Variants in NRG1 observed in about 807,000 individuals in gnomAD.
NRG1 encodes the protein pro-neuregulin-1, membrane-bound isoform.
Under a neutral mutation model 63.8 loss-of-function variants are expected in NRG1, and 18 were observed. That is an observed-to-expected ratio of 0.28 (90% confidence interval 0.19 to 0.42). The LOEUF (loss-of-function observed/expected upper bound fraction) is 0.42. Ranked by LOEUF, NRG1 falls within the 10% of genes least tolerant of loss-of-function variation. The pLI is 1.00. For missense variants in NRG1, 762 were observed against 814.7 expected (o/e 0.94, Z 0.79); for synonymous variants, 302 against 301.3 (o/e 1.00, Z -0.02).
intron 1 of NRG1, among the ~76,000 whole-genome samples, chr8:31,928,969 C>T (rs2129619753): frequency 6.6e-6 from 1 of 152,182 alleles, no homozygotes; most frequent in East Asian, 1.9e-4. Flanking sequence ...GCTTCACCAC[C>T]ATACAATTCA....
At chr8:31,841,960 A>G (rs112436909) in intron 1 of NRG1, among the ~76,000 whole-genome samples, 2 of 152,310 alleles carry the variant, frequency 1.3e-5, no homozygotes, top group African/African-American at 4.8e-5. Context: ...CCCAATATGT[A>G]CAAGAGACAG....
chr8:32,187,591 A>C (rs896114553), intron 1 of NRG1, among the ~76,000 whole-genome samples: 4 of 152,102 alleles, frequency 2.6e-5, no homozygotes, highest in Non-Finnish European at 4.4e-5. Flanking sequence ...GTGATTTGTG[A>C]AGCATTCATC....
intron 1 of NRG1, among the ~76,000 whole-genome samples, chr8:32,495,280 G>T (rs1374320125): frequency 6.6e-6 from 1 of 152,122 alleles, no homozygotes; most frequent in Non-Finnish European, 1.5e-5. Flanking sequence ...TAAGTCTCAC[G>T]AGATCTGGTG....
intron 1 of NRG1, among the ~76,000 whole-genome samples, chr8:32,235,218 A>C: frequency 9.0e-6 from 1 of 110,706 alleles, no homozygotes; most frequent in Non-Finnish European, 1.7e-5. Context: ...ATATGATGAA[A>C]CCTAATCTCT....
At chr8:32,748,916 T>C (rs148981766) in intron 7 of NRG1, 146 of 262,620 alleles carry the variant, frequency 5.6e-4, no homozygotes, top group Middle Eastern at 5.1e-3. Flanking sequence ...TTTCTGTGAA[T>C]GAAACAGACA....
chr8:32,314,188 T>C (rs1250366861), intron 1 of NRG1, among the ~76,000 whole-genome samples: 1 of 21,316 alleles, frequency 4.7e-5, no homozygotes, highest in Non-Finnish European at 9.0e-5. Context: ...AGCTGTTAAG[T>C]GGAAAAAAAA....
intron 1 of NRG1, among the ~76,000 whole-genome samples, chr8:32,085,100 G>A (rs1040657732): frequency 2.6e-5 from 4 of 152,176 alleles, no homozygotes; most frequent in Non-Finnish European, 5.9e-5. Flanking sequence ...TTGAAGGAGG[G>A]AAAGAAATAT....
chr8:32,311,336 A>G (rs556518071), intron 1 of NRG1, among the ~76,000 whole-genome samples: 1 of 152,180 alleles, frequency 6.6e-6, no homozygotes, highest in Non-Finnish European at 1.5e-5. Flanking sequence ...AAATATGTCA[A>G]TGGGAAGAAG....
intron 2 of NRG1, among the ~76,000 whole-genome samples, chr8:32,601,370 T>G (rs1844325813): frequency 1.3e-5 from 2 of 152,170 alleles, no homozygotes; most frequent in African/African-American, 4.8e-5. Flanking sequence ...GATATTCTTG[T>G]AGGAATGTGC....
intron 5 of NRG1, among the ~76,000 whole-genome samples, chr8:32,666,244 C>G (rs1439372518): frequency 6.6e-6 from 1 of 152,158 alleles, no homozygotes; most frequent in Non-Finnish European, 1.5e-5. Context: ...AGACAGACTT[C>G]AGAATCACAT....
chr8:32,659,497 T>G (rs1215051885), intron 5 of NRG1, among the ~76,000 whole-genome samples: 1 of 152,204 alleles, frequency 6.6e-6, no homozygotes, highest in Non-Finnish European at 1.5e-5. Flanking sequence ...AAATTGTTTT[T>G]TGAATGTATG....
intron 1 of NRG1, among the ~76,000 whole-genome samples, chr8:31,836,466 C>T (rs1237061119): frequency 2.6e-5 from 4 of 151,980 alleles, no homozygotes; most frequent in Admixed American, 1.3e-4. Flanking sequence ...GTAATAGTTT[C>T]TTTGTGTATC....
intron 1 of NRG1, among the ~76,000 whole-genome samples, chr8:32,206,263 G>C (rs1321563685): frequency 6.6e-6 from 1 of 152,110 alleles, no homozygotes; most frequent in African/African-American, 2.4e-5. Flanking sequence ...GAGCCACAGG[G>C]TATCCTACAT....
chr8:32,011,009 A>C (rs1219660665), intron 1 of NRG1, among the ~76,000 whole-genome samples: 3 of 152,058 alleles, frequency 2.0e-5, no homozygotes, highest in Non-Finnish European at 4.4e-5. Flanking sequence ...TCAGATTAGT[A>C]ATGGGGAAGC....
At chr8:32,200,508 T>C (rs1450946309) in intron 1 of NRG1, among the ~76,000 whole-genome samples, 1 of 152,182 alleles carries the variant, frequency 6.6e-6, no homozygotes, top group African/African-American at 2.4e-5. Flanking sequence ...TATTTAGATC[T>C]CTTCCTTTCA....
chr8:32,604,969 T>G (rs1845022346), intron 2 of NRG1, among the ~76,000 whole-genome samples: 1 of 152,184 alleles, frequency 6.6e-6, no homozygotes, highest in Admixed American at 6.6e-5. Context: ...TTAAGAACCT[T>G]TCATGTGGTA....
At chr8:32,252,232 G>T (rs1194212023) in intron 1 of NRG1, among the ~76,000 whole-genome samples, 2 of 152,050 alleles carry the variant, frequency 1.3e-5, no homozygotes, top group East Asian at 3.8e-4. Flanking sequence ...GGATTTTGTT[G>T]CCATTGCTTT....
chr8:31,779,572 C>G (rs1322498561), intron 1 of NRG1, among the ~76,000 whole-genome samples: 1 of 152,054 alleles, frequency 6.6e-6, no homozygotes, highest in Non-Finnish European at 1.5e-5. Flanking sequence ...TGCTTTTAAA[C>G]TTCTGGTCCA....
chr8:31,759,530 G>A (rs147670329), intron 1 of NRG1, among the ~76,000 whole-genome samples: 240 of 152,108 alleles, frequency 1.6e-3, no homozygotes, highest in Non-Finnish European at 2.7e-3. Context: ...TTTTACAAAA[G>A]CCATAAGTCA....
Sources: gnomAD v4.1 joint callset for allele counts (sites outside exome capture counted in the v4.1 genomes callset) on GRCh38, gnomAD v4.1.1 for gene constraint, MANE v1.5 for transcripts, NCBI Gene and HGNC (gene_info 2026-07-23, HGNC 2026-07-21) for gene names.